The following GRK5 variants were observed in gnomAD, a reference collection of about 807,000 sequenced individuals.
The protein encoded by GRK5 is g protein-coupled receptor kinase GRK5.
In GRK5, 40 loss-of-function variants were observed where a neutral mutation model predicts 78.4. The observed-to-expected ratio is 0.51, with a 90% CI of 0.40 to 0.66. The LOEUF (loss-of-function observed/expected upper bound fraction) is 0.66, where lower values mean the gene tolerates loss of function less well. Among genes scored for constraint, GRK5 ranks in the 30% least tolerant of loss-of-function variants. The probability of loss-of-function intolerance (pLI) is 0.00; values close to 1 mark genes in which losing one functional copy is unlikely to be tolerated. For missense variants in GRK5, 598 were observed against 759.9 expected, an observed-to-expected ratio of 0.79 and a Z score of 2.50; for synonymous variants, 289 against 296.8, an observed-to-expected ratio of 0.97 and a Z score of 0.27.
At chr10:119,247,436 G>C (rs2133748927) in intron 1 of GRK5, among the ~76,000 whole-genome samples, 1 of 152,302 alleles carries the variant, frequency 6.6e-6, no homozygotes, top group African/African-American at 2.4e-5. Flanking sequence ...ATAAATTAAA[G>C]TTTATGTAGT....
intron 3 of GRK5, among the ~76,000 whole-genome samples, chr10:119,388,954 A>G (rs1851843026): frequency 6.6e-6 from 1 of 152,170 alleles, no homozygotes; most frequent in South Asian, 2.1e-4. Flanking sequence ...AATCCAAGAG[A>G]ACATGGTAGG....
chr10:119,403,253 G>A (rs1032651953), intron 4 of GRK5, among the ~76,000 whole-genome samples: 3 of 150,862 alleles, frequency 2.0e-5, no homozygotes, highest in African/African-American at 7.3e-5. Flanking sequence ...TGCAAGCTCC[G>A]CCTCCCGGGT....
At chr10:119,250,278 C>T (rs750111632) in intron 1 of GRK5, among the ~76,000 whole-genome samples, 5 of 152,188 alleles carry the variant, frequency 3.3e-5, no homozygotes, top group African/African-American at 4.8e-5. Context: ...CCTGAAGCTA[C>T]TTGTGGATGT....
At position 119,411,842 on chromosome 10, in the gene GRK5, CTTTTT is replaced by C. The variant is rs10578557; in HGVS notation, c.340-11302_340-11298del. ...CCTCAGCTTCATTGCAGATCTGCTTCTTTTTTTTTTTTTTTTTTTTTTTTTTGAGA... is the reference window on the plus strand; with the variant it reads ...CCTCAGCTTCATTGCAGATCTGCTTCTTTTTTTTTTTTTTTTTTTTTGAGA... On this transcript the variant is annotated intron_variant, in intron 4 of 15. Coordinates refer to ENST00000392870, the MANE Select transcript of GRK5 (RefSeq NM_005308.3). 4.7e-4 allele frequency among the ~76,000 whole-genome samples: 45 copies of C among 95,984 alleles called. No individual in the cohort carries two copies. In the South Asian group the frequency reaches 7.1e-3, roughly 15 times the overall value. The allele number at this position is 95,984 out of a possible 152,430, so 63.0% of individuals were successfully genotyped here.
intron 2 of GRK5, among the ~76,000 whole-genome samples, chr10:119,367,654 CA>C: frequency 6.6e-6 from 1 of 152,362 alleles, no homozygotes; most frequent in East Asian, 1.9e-4. Flanking sequence ...AACAGAAAGA[CA>C]GGCTTGGTCT....
At chr10:119,375,255 C>T (rs1851604763) in intron 2 of GRK5, among the ~76,000 whole-genome samples, 1 of 152,222 alleles carries the variant, frequency 6.6e-6, no homozygotes, top group African/African-American at 2.4e-5. Context: ...GGCATCTCAC[C>T]TGGAGGTTTC....
intron 4 of GRK5, among the ~76,000 whole-genome samples, chr10:119,414,959 G>A (rs1852416080): frequency 2.0e-5 from 3 of 151,566 alleles, no homozygotes; most frequent in Admixed American, 2.0e-4. Flanking sequence ...GGGCGTGCCT[G>A]TAATCCCAGC....
intron 4 of GRK5, among the ~76,000 whole-genome samples, chr10:119,418,448 G>A (rs1041899394): frequency 6.6e-6 from 1 of 152,164 alleles, no homozygotes; most frequent in African/African-American, 2.4e-5. Flanking sequence ...GGGGAGAGAT[G>A]TCTCCTGCCA....
Position 119,394,591 on chromosome 10 carries a change from G to GTATC in GRK5, c.262-2103_262-2102insATCT, listed in dbSNP as rs758384687. Among the ~76,000 whole-genome samples, 28 of 3,186 alleles carry GTATC rather than the reference G, an allele frequency of 8.8e-3. 5 individuals are homozygous for GTATC. The highest frequency in any genetic ancestry group is 0.022 in the Admixed American group (8 of 370). The allele number at this position is 3,186 out of a possible 152,430, so 2.1% of individuals were successfully genotyped here. A position where few individuals can be genotyped will look rare whatever the true frequency, so the allele number is the denominator to read the frequency against. ...TGTGTGTGTGTCTGTGTGTGGGTGT[G>GTATC]TGTCTGTGTGTGGGCACGTGTATGT... On this transcript the variant is annotated intron_variant, in intron 3 of 15. Transcript: ENST00000392870.
chr10:119,421,980 C>A (rs760575080), intron 4 of GRK5, among the ~76,000 whole-genome samples: 1 of 152,142 alleles, frequency 6.6e-6, no homozygotes, highest in African/African-American at 2.4e-5. Flanking sequence ...AGAAACCATC[C>A]AGTGGACTCT....
intron 1 of GRK5, among the ~76,000 whole-genome samples, chr10:119,293,346 C>T (rs1466784014): frequency 1.3e-5 from 2 of 152,160 alleles, no homozygotes; most frequent in Non-Finnish European, 2.9e-5. Context: ...TCTCTGGCGA[C>T]GCCCAGTCTG....
At chr10:119,300,715 A>G (rs1201398659) in intron 1 of GRK5, among the ~76,000 whole-genome samples, 1 of 152,212 alleles carries the variant, frequency 6.6e-6, no homozygotes, top group African/African-American at 2.4e-5. Flanking sequence ...GAGTCCTTCT[A>G]TGAATATCTT....
intron 2 of GRK5, among the ~76,000 whole-genome samples, chr10:119,365,955 C>T (rs1245559090): frequency 6.6e-6 from 1 of 152,222 alleles, no homozygotes; most frequent in Non-Finnish European, 1.5e-5. Flanking sequence ...CATTCATTCA[C>T]TGGTCAAACG....
At chr10:119,211,499 G>C (rs1848485611) in intron 1 of GRK5, 1 of 152,114 alleles carries the variant, frequency 6.6e-6, no homozygotes. Flanking sequence ...CCTTTCTTCT[G>C]AGTGAACAGT....
intron 13 of GRK5, among the ~76,000 whole-genome samples, chr10:119,448,927 TCTGTGCGGGATACGTG>T (rs1464567369): frequency 6.6e-6 from 1 of 152,162 alleles, no homozygotes; most frequent in Non-Finnish European, 1.5e-5. Context: ...GGCTGGGTGA[TCTGTGCGGGATACGTG>T]CTGTGATTCC....
chr10:119,352,895 G>T (rs951495021), intron 2 of GRK5, among the ~76,000 whole-genome samples: 1 of 152,194 alleles, frequency 6.6e-6, no homozygotes, highest in Non-Finnish European at 1.5e-5. Flanking sequence ...TGCAGCTTAC[G>T]GGCAAGAGTA....
At chr10:119,438,037 G>C (rs567047942) in intron 9 of GRK5, among the ~76,000 whole-genome samples, 92 of 152,352 alleles carry the variant, frequency 6.0e-4, no homozygotes, top group Admixed American at 1.6e-3. Flanking sequence ...GTTGCAGTGA[G>C]TCAAGATCAC....
At chr10:119,307,869 A>G (rs1468361655) in intron 1 of GRK5, among the ~76,000 whole-genome samples, 2 of 152,108 alleles carry the variant, frequency 1.3e-5, no homozygotes, top group Non-Finnish European at 2.9e-5. Flanking sequence ...TCACAATTCA[A>G]GAAGCATTTT....
intron 8 of GRK5, among the ~76,000 whole-genome samples, chr10:119,432,167 T>C (rs78902404): frequency 0.022 from 3,334 of 152,322 alleles, 64 homozygotes; most frequent in Non-Finnish European, 0.036. Context: ...TGTTCCTCAG[T>C]TTCACCCACA....
Sources: allele counts gnomAD v4.1 joint callset (sites outside exome capture counted in the v4.1 genomes callset), GRCh38; gene constraint gnomAD v4.1.1; transcripts MANE v1.5; gene names NCBI Gene and HGNC (gene_info 2026-07-23, HGNC 2026-07-21).